Variants in STEAP2 observed in about 807,000 individuals in gnomAD.
STEAP2 encodes the protein STEAP2 metalloreductase, also known as metalloreductase STEAP2.
A neutral mutation model predicts 46.4 loss-of-function variants in STEAP2; 30 were observed. The observed-to-expected ratio is 0.65, with a 90% CI of 0.48 to 0.88. The LOEUF (loss-of-function observed/expected upper bound fraction) is 0.88. STEAP2 is among the 40% of genes least tolerant of loss of function. The pLI, the probability that STEAP2 is intolerant of heterozygous loss-of-function variation, is 0.00. For missense variants in STEAP2, 513 were observed against 579.3 expected, an observed-to-expected ratio of 0.89 and a Z score of 1.18; for synonymous variants, 180 against 200.5, an observed-to-expected ratio of 0.90 and a Z score of 0.86.
intron 3 of STEAP2, among the ~76,000 whole-genome samples, chr7:90,226,730 A>C (rs957362153): frequency 6.6e-6 from 1 of 152,170 alleles, no homozygotes; most frequent in African/African-American, 2.4e-5. Flanking sequence ...GCCCTGAATG[A>C]GGTGGCCTAC....
In STEAP2 at chr7:90,236,198, A is replaced by G; in HGVS notation, c.*3574A>G. 1.3e-6 allele frequency: 1 copy of G among 784,014 alleles called. No homozygotes were observed. Among genetic ancestry groups the G allele is most frequent in the Non-Finnish European group, 1.5e-6 (1 of 647,520 alleles). 48.6% of individuals were successfully genotyped at this position (784,014 alleles called of 1,614,324 possible). On this transcript the variant is annotated 3_prime_UTR_variant, in exon 6 of 6. Transcript: ENST00000394621. ...ATTCTGTACAGTTTCCCCCCAAAAA[A>G]GAGATTTATTTATGAAATATTTAAA...
At position 90,227,148 on chromosome 7, in the gene STEAP2, A is replaced by G; in HGVS notation, c.670A>G (p.Thr224Ala). 1 of 1,613,694 alleles carries G rather than the reference A, an allele frequency of 6.2e-7. No individual in the cohort carries two copies. The highest frequency in any genetic ancestry group is 8.5e-7 in the Non-Finnish European group (1 of 1,179,850). The change falls in exon 4 of 6, where the codon ACA (threonine) becomes GCA (alanine). Residue 224 changes from threonine (T) to alanine (A), a missense_variant. By Grantham distance (58) the Thr-to-Ala change is moderately conservative. Transcript: ENST00000394621. ...AGTGGTGGTAGCTATAAGCTTGGCC[A>G]CATTTTTTTTCCTTTATTCCTTTGT... ...GPVVVAISLA[T>A]FFFLYSFVRD... is the part of the protein sequence containing the mutation.
At chr7:90,237,944 G>A (rs1299219899), downstream of STEAP2, among the ~76,000 whole-genome samples, 1 of 151,834 alleles carries the variant, frequency 6.6e-6, no homozygotes, top group African/African-American at 2.4e-5. Context: ...TAAATCCCCA[G>A]TATCTAGTAT....
At chr7:90,222,400 C>T (rs1487845962) in intron 2 of STEAP2, among the ~76,000 whole-genome samples, 1 of 152,120 alleles carries the variant, frequency 6.6e-6, no homozygotes, top group African/African-American at 2.4e-5. Context: ...GAATAATATA[C>T]TACTTTGAGT....
downstream of STEAP2, among the ~76,000 whole-genome samples, chr7:90,240,963 G>T (rs1364942423): frequency 6.6e-6 from 1 of 152,086 alleles, no homozygotes; most frequent in African/African-American, 2.4e-5. The surrounding 1 kb of genome is among the most constrained non-coding windows in gnomAD (Gnocchi z 4.1). Flanking sequence ...ACTAAATAAT[G>T]ATTAAAATTA....
rs1795971417 is a variant in STEAP2 at position 90,236,699 on chromosome 7, CCTAACATACTGAGTTTTT to C, written c.*4076_*4093del. 1 of 1,382,924 alleles carries C rather than the reference CCTAACATACTGAGTTTTT, an allele frequency of 7.2e-7. No individual in the cohort carries two copies. The allele number at this position is 1,382,924 out of a possible 1,614,324, so 85.7% of individuals were successfully genotyped here. A position where few individuals can be genotyped will look rare whatever the true frequency, so the allele number is the denominator to read the frequency against. ...TGTTACTAAAAAATGTTTTGTTCAG[CCTAACATACTGAGTTTTT>C]TTTAACTTTCTAAATTATTGAATTT... On this transcript the variant is annotated 3_prime_UTR_variant, in exon 6 of 6. Transcript: ENST00000394621.
rs1795946150 is a variant in STEAP2, at chr7:90,235,943, A to G, written c.*3319A>G. 3.0e-6 allele frequency: 3 copies of G among 984,222 alleles called. No individual in the cohort carries two copies. Among genetic ancestry groups the G allele is most frequent in the Non-Finnish European group, 3.6e-6 (3 of 828,848 alleles). The allele number at this position is 984,222 out of a possible 1,614,324, so 61.0% of individuals were successfully genotyped here. Reference sequence around the variant, plus strand: ...GCTCTAGTGTTAAACTACCTGATTAATTTCTTATAAAGCAGCATAACCTTG... The same window carrying G: ...GCTCTAGTGTTAAACTACCTGATTAGTTTCTTATAAAGCAGCATAACCTTG... On this transcript the variant is annotated 3_prime_UTR_variant, in exon 6 of 6. Transcript: ENST00000394621.
At chr7:90,238,771 G>A, downstream of STEAP2, among the ~76,000 whole-genome samples, 1 of 152,144 alleles carries the variant, frequency 6.6e-6, no homozygotes, top group Non-Finnish European at 1.5e-5. Flanking sequence ...TTTGGTAGTG[G>A]ATTCTTCTAA....
At chr7:90,239,487 C>T (rs1796034681), downstream of STEAP2, among the ~76,000 whole-genome samples, 1 of 152,188 alleles carries the variant, frequency 6.6e-6, no homozygotes, top group Non-Finnish European at 1.5e-5. Context: ...AGATATAGAA[C>T]TCAAATAATT....
In STEAP2 at chr7:90,232,323, T is replaced by C; in HGVS notation, c.1186-14T>C. 6.4e-7 allele frequency: 1 copy of C among 1,550,558 alleles called. No homozygotes were observed. Among genetic ancestry groups the C allele is most frequent in the East Asian group, 2.3e-5 (1 of 44,234 alleles). On this transcript the variant is annotated splice_polypyrimidine_tract_variant and intron_variant, in intron 5 of 5. Transcript: ENST00000394621. ...CTTATTCTTTGTTTCTTTTCCTTCCTCTCCTGGCCCAAGTCTACACTTGGA... is the reference window on the plus strand; with the variant it reads ...CTTATTCTTTGTTTCTTTTCCTTCCCCTCCTGGCCCAAGTCTACACTTGGA...
chr7:90,233,979 C>G lies in STEAP2; in HGVS notation c.*1355C>G. On this transcript the variant is annotated 3_prime_UTR_variant, in exon 6 of 6. Coordinates refer to ENST00000394621, the MANE Select transcript of STEAP2 (RefSeq NM_001244944.2). ...CATGAGCCTGGAGACCCATGGCAGT[C>G]CATATGCCTCCCTATGCAGTGAAGG... is the stretch of plus-strand genomic sequence containing the variant. 1.0e-6 allele frequency: 1 copy of G among 985,372 alleles called. No individual in the cohort carries two copies. The highest frequency in any genetic ancestry group is 1.2e-6 in the Non-Finnish European group (1 of 829,930). The allele number at this position is 985,372 out of a possible 1,614,324, so 61.0% of individuals were successfully genotyped here. A position where few individuals can be genotyped will look rare whatever the true frequency, so the allele number is the denominator to read the frequency against.
chr7:90,232,257 G>A (rs184300893), intron 5 of STEAP2, 80 bp from the exon 6 acceptor site: 25 of 1,413,792 alleles, frequency 1.8e-5, no homozygotes, highest in African/African-American at 1.6e-4. Flanking sequence ...TAAACATGGT[G>A]TATCTTGATA....
chr7:90,219,880 C>A (rs1464926031), intron 2 of STEAP2, among the ~76,000 whole-genome samples: 1 of 152,188 alleles, frequency 6.6e-6, no homozygotes, highest in African/African-American at 2.4e-5. Flanking sequence ...TGTGTACCAC[C>A]ACACCTAGCT....
rs755795839 is a variant in STEAP2, at chr7:90,225,117, G to A, written c.35G>A (p.Ser12Asn). ...ATCTCTATGATGGGAAGCCCTAAGA[G>A]CCTTAGTGAAACTTTTTTACCTAAT... Reference protein sequence around the residue: ...ESISMMGSPKSLSETFLPNGI... With the variant: ...ESISMMGSPKNLSETFLPNGI... The change falls in exon 3 of 6, where the codon AGC becomes AAC. Residue 12 changes from serine to asparagine, a missense_variant. Transcript: ENST00000394621. The A allele has an allele frequency of 6.2e-7, 1 of 1,613,800 alleles. No homozygotes were observed. Among genetic ancestry groups the A allele is most frequent in the Non-Finnish European group, 8.5e-7 (1 of 1,179,878 alleles).
At chr7:90,223,685 T>A (rs185922089) in intron 2 of STEAP2, among the ~76,000 whole-genome samples, 1 of 152,324 alleles carries the variant, frequency 6.6e-6, no homozygotes, top group East Asian at 1.9e-4. Flanking sequence ...ATTTCATACA[T>A]ATTATATAAT....
chr7:90,218,230 GTTGA>G (rs1308008396), intron 2 of STEAP2, among the ~76,000 whole-genome samples: 4 of 152,108 alleles, frequency 2.6e-5, no homozygotes, highest in Non-Finnish European at 4.4e-5. Context: ...TCTTCATTCT[GTTGA>G]TTGTTTCCTT....
rs376941669 is a variant in STEAP2 at position 90,232,425 on chromosome 7, G to C, written c.1274G>C (p.Arg425Thr). The stretch of plus-strand genomic sequence containing the variant: ...CGAGCTTTTGAGGAAGAGTACTACA[G>C]ATTTTATACACCACCAAACTTTGTT... ...WKRAFEEEYY[R>T]FYTPPNFVLA... Residue 425 changes from arginine (R) to threonine (T), a missense_variant, in exon 6 of 6, where the codon AGA becomes ACA. Coordinates refer to ENST00000394621, the MANE Select transcript of STEAP2 (RefSeq NM_001244944.2). 49 of 1,613,622 alleles carry C rather than the reference G, an allele frequency of 3.0e-5. No homozygotes were observed. The African/African-American group carries it at 5.9e-4, about 19-fold the overall frequency.
Position 90,220,200 on chromosome 7 carries a change from G to A in STEAP2, c.-34+3597G>A, listed in dbSNP as rs142972565. On this transcript the variant is annotated intron_variant, in intron 2 of 5. Coordinates refer to ENST00000394621, the MANE Select transcript of STEAP2 (RefSeq NM_001244944.2). Reference sequence around the variant, plus strand: ...GTTTAATGTTTTGGAAGAGTTTGAAGAGAATTGGTGTTAGGTCTGTTTTGA... The same window carrying A: ...GTTTAATGTTTTGGAAGAGTTTGAAAAGAATTGGTGTTAGGTCTGTTTTGA... Among the ~76,000 whole-genome samples, 646 of 152,306 alleles carry A rather than the reference G, an allele frequency of 4.2e-3. 4 individuals carry two copies. The highest frequency in any genetic ancestry group is 7.8e-3 in the Admixed American group (119 of 15,288).
At position 90,229,979 on chromosome 7, in the gene STEAP2, C is replaced by A. The variant is rs1441707063; in HGVS notation, c.1128C>A (p.Val376=). ...MSLGLLSLLA[V]TSIPSVSNAL... ...TTGGCTTACTTTCCCTCCTGGCAGT[C>A]ACTTCTATCCCTTCAGTGAGCAATG... The change falls in exon 5 of 6, where the codon GTC becomes GTA. Residue 376 remains valine, a synonymous_variant. Coordinates refer to ENST00000394621, the MANE Select transcript of STEAP2 (RefSeq NM_001244944.2). The A allele has an allele frequency of 6.2e-7, 1 of 1,613,476 alleles. No individual in the cohort carries two copies. The highest frequency in any genetic ancestry group is 1.3e-5 in the African/African-American group (1 of 74,894).
Sources: allele counts gnomAD v4.1 joint callset (sites outside exome capture counted in the v4.1 genomes callset), GRCh38; gene constraint gnomAD v4.1.1; non-coding constraint Gnocchi (gnomAD v3.1); transcripts MANE v1.5; gene names NCBI Gene and HGNC (gene_info 2026-07-23, HGNC 2026-07-21).